UBAC2: variants seen among roughly 807,000 people sequenced by gnomAD.
UBAC2 encodes the protein UBA domain containing 2.
Under a neutral mutation model 44.0 loss-of-function variants are expected in UBAC2, and 26 were observed. That is an observed-to-expected ratio of 0.59 (90% CI 0.43 to 0.82). The LOEUF is 0.82. UBAC2 is among the 40% of genes least tolerant of loss of function. The probability of loss-of-function intolerance (pLI) is 0.00; values close to 1 mark genes in which losing one functional copy is unlikely to be tolerated. For missense variants in UBAC2, 329 were observed against 419.4 expected, an observed-to-expected ratio of 0.78 and a Z score of 1.88; for synonymous variants, 155 against 154.3, an observed-to-expected ratio of 1.00 and a Z score of -0.04.
intron 6 of UBAC2, among the ~76,000 whole-genome samples, chr13:99,325,243 C>A (rs1248935593): frequency 6.6e-6 from 1 of 151,922 alleles, no homozygotes; most frequent in African/African-American, 2.4e-5. Context: ...GCTGGGACTA[C>A]AGGCGCCTGT....
At chr13:99,236,983 A>AG (rs2043241284) in intron 1 of UBAC2, among the ~76,000 whole-genome samples, 1 of 152,140 alleles carries the variant, frequency 6.6e-6, no homozygotes, top group Admixed American at 6.5e-5. Context: ...CTTAAAAAAA[A>AG]AAAATAAAAC....
intron 1 of UBAC2, among the ~76,000 whole-genome samples, chr13:99,206,931 C>T (rs2042879520): frequency 6.6e-6 from 1 of 152,258 alleles, no homozygotes; most frequent in South Asian, 2.1e-4. Flanking sequence ...CCACACTCAG[C>T]TTTGTTCCTT....
At chr13:99,323,310 A>G (rs1465962860) in intron 6 of UBAC2, among the ~76,000 whole-genome samples, 1 of 152,132 alleles carries the variant, frequency 6.6e-6, no homozygotes, top group African/African-American at 2.4e-5. Flanking sequence ...GCAAAGAAAA[A>G]TCAAGGCTAA....
intron 4 of UBAC2, among the ~76,000 whole-genome samples, chr13:99,250,047 A>G (rs2043438918): frequency 6.6e-6 from 1 of 152,156 alleles, no homozygotes; most frequent in African/African-American, 2.4e-5. Flanking sequence ...TTTGCTGTGC[A>G]GAAGCTCTTT....
chr13:99,367,993 A>C (rs2045354255), intron 8 of UBAC2, 87 bp downstream of exon 8: 10 of 1,502,296 alleles, frequency 6.7e-6, no homozygotes, highest in Non-Finnish European at 9.0e-6. Flanking sequence ...AAAAGTAATC[A>C]AGCGTGTAAA....
At chr13:99,201,434 A>G in intron 1 of UBAC2, 13 of 1,613,764 alleles carry the variant, frequency 8.1e-6, no homozygotes, top group Non-Finnish European at 1.1e-5. Context: ...TTCAGTCTCC[A>G]AGAAGAGTTT....
intron 4 of UBAC2, chr13:99,261,764 G>A (rs2043665760): frequency 1.3e-5 from 2 of 152,470 alleles, no homozygotes; most frequent in South Asian, 4.1e-4. Context: ...GAGATCCAGA[G>A]TCGCCAAGGC....
intron 4 of UBAC2, among the ~76,000 whole-genome samples, chr13:99,303,897 C>T (rs146264828): frequency 2.3e-4 from 35 of 152,288 alleles, no homozygotes; most frequent in Non-Finnish European, 4.7e-4. Context: ...CCCAGGACTC[C>T]GTGTTCTCCC....
Position 99,295,346 on chromosome 13 carries a change from T to C in UBAC2, c.390-18751T>C, listed in dbSNP as rs200900247. On this transcript the variant is annotated intron_variant, in intron 4 of 8. Coordinates refer to ENST00000403766, the MANE Select transcript of UBAC2 (RefSeq NM_001144072.2). The surrounding 1 kb of genome is among the most constrained non-coding windows in gnomAD (Gnocchi z 4.1). ...AGAGAAACGAAGCTTCTTAATCATATGTTGAATAATTGCAACATGGTAAGG... is the reference window on the plus strand; with the variant it reads ...AGAGAAACGAAGCTTCTTAATCATACGTTGAATAATTGCAACATGGTAAGG... 1 of 1,614,110 alleles carries C rather than the reference T, an allele frequency of 6.2e-7. No individual in the cohort carries two copies. The highest frequency in any genetic ancestry group is 8.5e-7 in the Non-Finnish European group (1 of 1,179,978).
intron 4 of UBAC2, among the ~76,000 whole-genome samples, chr13:99,249,792 A>G (rs1555323179): frequency 8.6e-5 from 13 of 151,814 alleles, no homozygotes; most frequent in Non-Finnish European, 1.9e-4. Context: ...ATGGTATCTC[A>G]TTGTGGTTTT....
chr13:99,365,781 AT>A (rs1388573712), intron 7 of UBAC2, among the ~76,000 whole-genome samples: 1 of 152,046 alleles, frequency 6.6e-6, no homozygotes, highest in Non-Finnish European at 1.5e-5. Flanking sequence ...TAAACTTGTT[AT>A]TTTTTATATT....
chr13:99,368,573 A>C (rs1303139823), intron 8 of UBAC2, among the ~76,000 whole-genome samples: 1 of 152,182 alleles, frequency 6.6e-6, no homozygotes, highest in East Asian at 1.9e-4. Context: ...CAAATGAGGA[A>C]CTCGGTTGAT....
intron 4 of UBAC2, chr13:99,294,906 G>A (rs1278748337): frequency 1.4e-6 from 1 of 709,358 alleles, no homozygotes; most frequent in Non-Finnish European, 2.3e-6. Context: ...TTGTTCTCTT[G>A]GGCTTACTTC....
rs767517085 is a variant in UBAC2 at position 99,295,424 on chromosome 13, T to C, written c.390-18673T>C. 1 of 1,614,088 alleles carries C rather than the reference T, an allele frequency of 6.2e-7. No homozygotes were observed. The highest frequency in any genetic ancestry group is 2.2e-5 in the East Asian group (1 of 44,884). On this transcript the variant is annotated intron_variant, in intron 4 of 8. Coordinates refer to ENST00000403766, the MANE Select transcript of UBAC2 (RefSeq NM_001144072.2). The surrounding 1 kb of genome is among the most constrained non-coding windows in gnomAD (Gnocchi z 4.1). ...AATAAGAATAATTGTGTTGAGAGCC[T>C]TTTTGTTTACACCAGATTTCTCAGT...
At chr13:99,357,819 T>A (rs1049574274) in intron 7 of UBAC2, among the ~76,000 whole-genome samples, 1 of 152,212 alleles carries the variant, frequency 6.6e-6, no homozygotes, top group African/African-American at 2.4e-5. Flanking sequence ...ATATCCCAAC[T>A]AACTACAGTC....
At chr13:99,225,181 TA>T (rs548034431) in intron 1 of UBAC2, among the ~76,000 whole-genome samples, 40 of 152,230 alleles carry the variant, frequency 2.6e-4, no homozygotes, top group Non-Finnish European at 4.7e-4. Context: ...TGTACAATCT[TA>T]ACTATTTTTG....
chr13:99,316,234 G>C (rs941978633), intron 5 of UBAC2, among the ~76,000 whole-genome samples: 3 of 151,996 alleles, frequency 2.0e-5, no homozygotes, highest in African/African-American at 7.3e-5. Flanking sequence ...GGCATGCAGG[G>C]TTCTTCTTGA....
chr13:99,292,647 T>C (rs2044106627), intron 4 of UBAC2, among the ~76,000 whole-genome samples: 1 of 152,098 alleles, frequency 6.6e-6, no homozygotes, highest in African/African-American at 2.4e-5. Flanking sequence ...GACACTATTC[T>C]ATTTTTACTA....
chr13:99,318,172 A>G, intron 6 of UBAC2, 103 bp downstream of exon 6: 2 of 1,038,522 alleles, frequency 1.9e-6, no homozygotes, highest in South Asian at 2.8e-5. Context: ...CTGTCTCACC[A>G]TTCTTTTTTT....
Sources: gnomAD v4.1 joint callset for allele counts (sites outside exome capture counted in the v4.1 genomes callset) on GRCh38, gnomAD v4.1.1 for gene constraint, Gnocchi (gnomAD v3.1) non-coding constraint, MANE v1.5 for transcripts, NCBI Gene and HGNC (gene_info 2026-07-23, HGNC 2026-07-21) for gene names.